The following RNF220 variants were observed in gnomAD, a reference collection of about 807,000 sequenced individuals.
The protein encoded by RNF220 is ring finger protein 220.
Under a neutral mutation model 67.1 loss-of-function variants are expected in RNF220, and 7 were observed. The observed-to-expected ratio is 0.10, with a 90% confidence interval of 0.06 to 0.20. RNF220 has a LOEUF of 0.20. RNF220 is among the 10% of genes least tolerant of loss of function. RNF220 has a pLI of 1.00. For synonymous variants in RNF220, 270 were observed against 283.2 expected, an observed-to-expected ratio of 0.95 and a Z score of 0.47; for missense variants, 565 against 740.3, an observed-to-expected ratio of 0.76 and a Z score of 2.75.
chr1:44,629,383 T>TG lies in RNF220; in HGVS notation c.907-2958dup, dbSNP rs1210021082. ...ACAATGAATCTGACTCCACTAGACT[T>TG]GGAGTTTCTCCAAGGCAAGGACCTT... On this transcript the variant is annotated intron_variant, in intron 5 of 14. Coordinates refer to ENST00000361799, the MANE Select transcript of RNF220 (RefSeq NM_018150.4). Among the ~76,000 whole-genome samples, 4 of 152,282 alleles carry TG rather than the reference T, an allele frequency of 2.6e-5. 1 individual carries two copies. The highest frequency in any genetic ancestry group is 4.8e-5 in the African/African-American group (2 of 41,478).
intron 2 of RNF220, among the ~76,000 whole-genome samples, chr1:44,431,727 C>A (rs1322979711): frequency 2.2e-5 from 3 of 137,690 alleles, no homozygotes; most frequent in African/African-American, 9.5e-5. Flanking sequence ...TCTCTTCCCT[C>A]CTCATGCACC....
intron 2 of RNF220, among the ~76,000 whole-genome samples, chr1:44,520,129 G>GAC (rs60905455): frequency 6.7e-5 from 3 of 44,802 alleles, no homozygotes; most frequent in Non-Finnish European, 2.0e-4. Flanking sequence ...GTGTGTGTGT[G>GAC]AGAGAGAGAG....
At position 44,606,751 on chromosome 1, in the gene RNF220, CATTT is replaced by C. The variant is rs1286749701; in HGVS notation, c.626-7406_626-7403del. ...GATCTTGCCTACTCTGAACTTCATTCATTTATTTATTCAATAAATATTTATTGAG... is the reference window on the plus strand; with the variant it reads ...GATCTTGCCTACTCTGAACTTCATTCATTTATTCAATAAATATTTATTGAG... On this transcript the variant is annotated intron_variant, in intron 2 of 14. Transcript: ENST00000361799. This position sits in a 1 kb window ranked among gnomAD's most constrained non-coding sequence, Gnocchi z 4.2. 6.6e-6 allele frequency among the ~76,000 whole-genome samples: 1 copy of C among 152,144 alleles called. No individual in the cohort carries two copies. Among genetic ancestry groups the C allele is most frequent in the Non-Finnish European group, 1.5e-5 (1 of 68,024 alleles).
At position 44,412,831 on chromosome 1, in the gene RNF220, C is replaced by A; in HGVS notation, c.625+109C>A. 1 of 1,259,804 alleles carries A rather than the reference C, an allele frequency of 7.9e-7. No homozygotes were observed. Among genetic ancestry groups the A allele is most frequent in the Non-Finnish European group, 1.1e-6 (1 of 900,784 alleles). 78.0% of individuals were successfully genotyped at this position (1,259,804 alleles called of 1,614,324 possible). ...TGCTCCTAGTAATAGGAAGGGCCAA[C>A]TACTTCCCTTTCACTAGCTGTGGAG... On this transcript the variant is annotated intron_variant, in intron 2 of 14. Transcript: ENST00000361799. This position sits in a 1 kb window ranked among gnomAD's most constrained non-coding sequence, Gnocchi z 5.3.
Position 44,650,430 on chromosome 1 carries a change from G to A in RNF220, c.1630-274G>A, listed in dbSNP as rs552684073. 3.4e-5 allele frequency: 18 copies of A among 534,458 alleles called. 1 individual carries two copies. Among genetic ancestry groups the A allele is most frequent in the South Asian group, 1.7e-4 (8 of 46,350 alleles). The allele number at this position is 534,458 out of a possible 1,614,324, so 33.1% of individuals were successfully genotyped here. A position where few individuals can be genotyped will look rare whatever the true frequency, so the allele number is the denominator to read the frequency against. ...CTGATCAAAGGCCGCGTGTAATCTCGTTAGGGCTGCGGCTGCCACAGCTGG... is the reference window on the plus strand; with the variant it reads ...CTGATCAAAGGCCGCGTGTAATCTCATTAGGGCTGCGGCTGCCACAGCTGG... On this transcript the variant is annotated intron_variant, in intron 14 of 14. Coordinates refer to ENST00000361799, the MANE Select transcript of RNF220 (RefSeq NM_018150.4). This position sits in a 1 kb window ranked among gnomAD's most constrained non-coding sequence, Gnocchi z 4.3.
intron 2 of RNF220, among the ~76,000 whole-genome samples, chr1:44,504,822 T>C (rs1572705051): frequency 6.6e-6 from 1 of 152,292 alleles, no homozygotes; most frequent in African/African-American, 2.4e-5. Context: ...ACCTATCCTT[T>C]TTTTCAAATT....
intron 2 of RNF220, among the ~76,000 whole-genome samples, chr1:44,541,992 T>C (rs1371246680): frequency 6.6e-6 from 1 of 152,232 alleles, no homozygotes. Context: ...ATCCATGCTA[T>C]GGCAGAGCCT....
At position 44,649,839 on chromosome 1, in the gene RNF220, G is replaced by A. The variant is rs1644742796; in HGVS notation, c.1555-44G>A. ...GCCCTCTGGGGGAGTTGGAGAGGGTGGGCCTACCTCAGAGTGACCCCTTCT... is the reference window on the plus strand; with the variant it reads ...GCCCTCTGGGGGAGTTGGAGAGGGTAGGCCTACCTCAGAGTGACCCCTTCT... On this transcript the variant is annotated intron_variant, in intron 13 of 14. Transcript: ENST00000361799. This position sits in a 1 kb window ranked among gnomAD's most constrained non-coding sequence, Gnocchi z 5.9. The A allele has an allele frequency of 6.2e-7, 1 of 1,613,540 alleles. No individual in the cohort carries two copies. Among genetic ancestry groups the A allele is most frequent in the East Asian group, 2.2e-5 (1 of 44,872 alleles).
chr1:44,594,790 G>C (rs1242299631), intron 2 of RNF220, among the ~76,000 whole-genome samples: 1 of 152,188 alleles, frequency 6.6e-6, no homozygotes, highest in African/African-American at 2.4e-5. Flanking sequence ...TTTAGGACTT[G>C]GGCTAGGAGG....
intron 2 of RNF220, among the ~76,000 whole-genome samples, chr1:44,460,297 C>T (rs534749318): frequency 1.1e-4 from 16 of 152,210 alleles, no homozygotes; most frequent in African/African-American, 3.1e-4. Context: ...CAGGTACCAG[C>T]GCCTGGAAGC....
intron 2 of RNF220, among the ~76,000 whole-genome samples, chr1:44,482,918 GC>G (rs1468733483): frequency 3.6e-3 from 434 of 121,332 alleles, no homozygotes; most frequent in Non-Finnish European, 5.1e-3. Flanking sequence ...ACCACACCCA[GC>G]CTTTTTTTTT....
At chr1:44,473,240 TAA>T (rs1474119807) in intron 2 of RNF220, among the ~76,000 whole-genome samples, 3 of 152,156 alleles carry the variant, frequency 2.0e-5, no homozygotes, top group African/African-American at 7.2e-5. Context: ...CTGGCGGCTA[TAA>T]AGATTCAAAT....
intron 2 of RNF220, among the ~76,000 whole-genome samples, chr1:44,466,996 G>T (rs1654329632): frequency 2.0e-5 from 3 of 152,208 alleles, no homozygotes. Flanking sequence ...AGCTTTGAAA[G>T]CTCTGAATGG....
Position 44,650,880 on chromosome 1 carries a change from G to A in RNF220, c.*105G>A. The A allele has an allele frequency of 1.0e-6, 1 of 963,034 alleles. No individual in the cohort carries two copies. The highest frequency in any genetic ancestry group is 1.8e-5 in the Admixed American group (1 of 55,562). The allele number at this position is 963,034 out of a possible 1,614,324, so 59.7% of individuals were successfully genotyped here. A position where few individuals can be genotyped will look rare whatever the true frequency, so the allele number is the denominator to read the frequency against. On this transcript the variant is annotated 3_prime_UTR_variant, in exon 15 of 15. Coordinates refer to ENST00000361799, the MANE Select transcript of RNF220 (RefSeq NM_018150.4). The surrounding 1 kb of genome is among the most constrained non-coding windows in gnomAD (Gnocchi z 4.3). ...ACATACTTGCACACAGGTTCCCCATGTACATACATGCACATACTCAAACAT... is the reference window on the plus strand; with the variant it reads ...ACATACTTGCACACAGGTTCCCCATATACATACATGCACATACTCAAACAT...
intron 2 of RNF220, among the ~76,000 whole-genome samples, chr1:44,454,063 A>G (rs1288780789): frequency 1.3e-5 from 2 of 152,202 alleles, no homozygotes; most frequent in African/African-American, 2.4e-5. Flanking sequence ...ACATCTTAGT[A>G]TCATTATCAA....
Position 44,622,192 on chromosome 1 carries a change from C to T in RNF220, c.759-550C>T, listed in dbSNP as rs148838724. On this transcript the variant is annotated intron_variant, in intron 3 of 14. Transcript: ENST00000361799. The surrounding 1 kb of genome is among the most constrained non-coding windows in gnomAD (Gnocchi z 4.3). ...CCTCCCACCCCAGCCCCCGCCTGCTCTGAGCCGCCCACCATATTTCAGGGC... is the reference window on the plus strand; with the variant it reads ...CCTCCCACCCCAGCCCCCGCCTGCTTTGAGCCGCCCACCATATTTCAGGGC... 2.7e-3 allele frequency among the ~76,000 whole-genome samples: 407 copies of T among 152,306 alleles called. 3 individuals carry two copies. The highest frequency in any genetic ancestry group is 9.5e-3 in the African/African-American group (395 of 41,570).
At chr1:44,411,634 C>A (rs537276437) in intron 1 of RNF220, among the ~76,000 whole-genome samples, 1 of 152,310 alleles carries the variant, frequency 6.6e-6, no homozygotes, top group South Asian at 2.1e-4. Flanking sequence ...AAAACATAGA[C>A]CCCCACTTAA....
rs547000002 is a variant in RNF220 at position 44,582,921 on chromosome 1, G to A, written c.626-31244G>A. On this transcript the variant is annotated intron_variant, in intron 2 of 14. Transcript: ENST00000361799. ...TTCAGGAGGCTGAGACAGGAGAATCGCTTGAACCCGGGAGGTGGAGGTTGC... is the reference window on the plus strand; with the variant it reads ...TTCAGGAGGCTGAGACAGGAGAATCACTTGAACCCGGGAGGTGGAGGTTGC... Among the ~76,000 whole-genome samples, 16 of 152,178 alleles carry A rather than the reference G, an allele frequency of 1.1e-4. No homozygotes were observed. The East Asian group carries it at 2.9e-3, about 28-fold the overall frequency.
chr1:44,551,670 G>A (rs553855946), intron 2 of RNF220, among the ~76,000 whole-genome samples: 1 of 152,130 alleles, frequency 6.6e-6, no homozygotes, highest in South Asian at 2.1e-4. Flanking sequence ...TTACTAATTT[G>A]ATTAGCCAAA....
Sources: allele counts gnomAD v4.1 joint callset (sites outside exome capture counted in the v4.1 genomes callset), GRCh38; gene constraint gnomAD v4.1.1; non-coding constraint Gnocchi (gnomAD v3.1); transcripts MANE v1.5; gene names NCBI Gene and HGNC (gene_info 2026-07-23, HGNC 2026-07-21).